Variants in CLNK observed in about 807,000 individuals in gnomAD.
CLNK encodes cytokine dependent hematopoietic cell linker, also known as cytokine-dependent hematopoietic cell linker.
In CLNK, 74 loss-of-function variants were observed where a neutral mutation model predicts 68.6. The ratio of observed to expected loss-of-function variants is 1.08; its 90% confidence interval spans 0.89 to 1.31. The LOEUF (loss-of-function observed/expected upper bound fraction) is 1.31, where lower values mean the gene tolerates loss of function less well. Among genes scored for constraint, CLNK ranks in the 50% most tolerant of loss-of-function variants. CLNK has a pLI of 0.00. For missense variants in CLNK, 553 were observed against 515.3 expected (o/e 1.07, Z -0.71); for synonymous variants, 198 against 172.2 (o/e 1.15, Z -1.17).
chr4:10,530,291 C>T (rs1159741094), intron 12 of CLNK, among the ~76,000 whole-genome samples: 4 of 152,114 alleles, frequency 2.6e-5, no homozygotes, highest in Non-Finnish European at 4.4e-5. Context: ...ATGAGTCTTT[C>T]CTTTCTGTGA....
chr4:10,621,448 T>C (rs1722455122), intron 2 of CLNK, among the ~76,000 whole-genome samples: 1 of 152,208 alleles, frequency 6.6e-6, no homozygotes, highest in Admixed American at 6.5e-5. Flanking sequence ...TGGAGGTCTT[T>C]CCATTTTGGG....
At chr4:10,696,694 G>A in the CLNK span, among the ~76,000 whole-genome samples, 1 of 152,140 alleles carries the variant, frequency 6.6e-6, no homozygotes, top group Non-Finnish European at 1.5e-5. Flanking sequence ...TTCTCCTCCT[G>A]TTGGCTCTCC....
At chr4:10,571,459 T>C (rs1720347787) in intron 5 of CLNK, among the ~76,000 whole-genome samples, 1 of 150,866 alleles carries the variant, frequency 6.6e-6, no homozygotes, top group Non-Finnish European at 1.5e-5. Flanking sequence ...CTCAGCCTCG[T>C]GAGTAGCTGG....
rs539653168 is a variant in CLNK at position 10,627,803 on chromosome 4, A to G, written c.12-29754T>C. 3.9e-5 allele frequency among the ~76,000 whole-genome samples: 6 copies of G among 152,308 alleles called. No homozygotes were observed. The South Asian group carries it at 1.2e-3, about 32-fold the overall frequency. ...CCCACCCCCACAGGCATTCTGGGCT[A>G]CAGACTGCCTGAGCCCCTCACCTCT... is the stretch of plus-strand genomic sequence containing the variant. On this transcript the variant is annotated intron_variant, in intron 2 of 18. Transcript: ENST00000226951.
chr4:10,518,778 A>G (rs755982453), intron 15 of CLNK, among the ~76,000 whole-genome samples: 4 of 152,232 alleles, frequency 2.6e-5, no homozygotes, highest in Non-Finnish European at 5.9e-5. Context: ...ATAATAACGT[A>G]CAACTATGGA....
intron 1 of CLNK, 138 bp from the exon 2 acceptor site, chr4:10,668,049 G>A: frequency 2.2e-6 from 1 of 461,506 alleles, no homozygotes; most frequent in East Asian, 3.7e-5. Context: ...AATCAATCCA[G>A]GTCAAGAATT....
At chr4:10,524,774 T>C (rs767128892) in intron 14 of CLNK, among the ~76,000 whole-genome samples, 22 of 152,028 alleles carry the variant, frequency 1.4e-4, no homozygotes, top group Non-Finnish European at 2.4e-4. Flanking sequence ...CATGGAGGAA[T>C]AGGAGTGTTC....
chr4:10,502,426 C>A (rs980370529), intron 17 of CLNK, among the ~76,000 whole-genome samples: 1 of 151,978 alleles, frequency 6.6e-6, no homozygotes, highest in African/African-American at 2.4e-5. Context: ...TCCCTAGACA[C>A]GTGGGGATTA....
At chr4:10,696,224 C>T in the CLNK span, among the ~76,000 whole-genome samples, 1 of 152,100 alleles carries the variant, frequency 6.6e-6, no homozygotes, top group East Asian at 1.9e-4. Context: ...AGATGGGTCT[C>T]GTGTGCCACC....
intron 14 of CLNK, chr4:10,523,888 G>T: frequency 2.9e-6 from 1 of 339,682 alleles, no homozygotes; most frequent in Non-Finnish European, 5.8e-6. Flanking sequence ...AGCTGGGCAT[G>T]GTGGCATGTG....
At chr4:10,540,233 T>C (rs1718958370) in intron 11 of CLNK, among the ~76,000 whole-genome samples, 1 of 152,350 alleles carries the variant, frequency 6.6e-6, no homozygotes, top group African/African-American at 2.4e-5. Context: ...TCTCACCTGC[T>C]GCCATGTAAG....
intron 2 of CLNK, among the ~76,000 whole-genome samples, chr4:10,648,946 G>T (rs1245012951): frequency 1.3e-5 from 2 of 152,098 alleles, no homozygotes; most frequent in Non-Finnish European, 2.9e-5. Context: ...ATATAGATTA[G>T]CCCTTGAATC....
intron 12 of CLNK, among the ~76,000 whole-genome samples, chr4:10,528,682 G>T (rs1221100489): frequency 6.6e-6 from 1 of 152,142 alleles, no homozygotes; most frequent in African/African-American, 2.4e-5. Flanking sequence ...CTGGACCCAT[G>T]ATATATTTTT....
rs1722165158 is a variant in CLNK, at chr4:10,614,818, G to GT, written c.12-16770dup. Among the ~76,000 whole-genome samples, 4 of 152,208 alleles carry GT rather than the reference G, an allele frequency of 2.6e-5. No homozygotes were observed. The South Asian group carries it at 8.3e-4, about 32-fold the overall frequency. On this transcript the variant is annotated intron_variant, in intron 2 of 18. Transcript: ENST00000226951. The stretch of plus-strand genomic sequence containing the variant: ...GCCTTGTTGTGATTGTTTCCTATGA[G>GT]TACCCACTCTCCTAATCACAGAGGT...
chr4:10,509,786 A>C (rs1480084824), intron 16 of CLNK, among the ~76,000 whole-genome samples: 1 of 152,124 alleles, frequency 6.6e-6, no homozygotes, highest in African/African-American at 2.4e-5. Context: ...TCAGCCTCCC[A>C]TAGTGCTGGG....
the CLNK span, among the ~76,000 whole-genome samples, chr4:10,733,874 T>C: frequency 1.3e-5 from 2 of 152,256 alleles, no homozygotes; most frequent in African/African-American, 4.8e-5. Context: ...ATATCCATCA[T>C]ACATAAGTGC....
chr4:10,695,029 C>T, the CLNK span, among the ~76,000 whole-genome samples: 3 of 152,166 alleles, frequency 2.0e-5, no homozygotes, highest in African/African-American at 7.2e-5. Context: ...AGAGGCCTGG[C>T]AGGGATGGAG....
At position 10,656,380 on chromosome 4, in the gene CLNK, G is replaced by A. The variant is rs1202700829; in HGVS notation, c.11+11479C>T. ...TTTTGCCTGGCAAAAGATTTGACAA[G>A]CATTGTGTGCAGACGAGAAAAGCTT... On this transcript the variant is annotated intron_variant, in intron 2 of 18. Transcript: ENST00000226951. 4 of 146,104 alleles carry A rather than the reference G, an allele frequency of 2.7e-5. No homozygotes were observed. The South Asian group carries it at 6.5e-4, about 24-fold the overall frequency. 9.1% of individuals were successfully genotyped at this position (146,104 alleles called of 1,614,324 possible).
chr4:10,673,650 A>G (rs1452480149), intron 1 of CLNK, among the ~76,000 whole-genome samples: 1 of 150,256 alleles, frequency 6.7e-6, no homozygotes, highest in African/African-American at 2.5e-5. Flanking sequence ...GGGGAACATC[A>G]CACACTGGGG....
Sources: gnomAD v4.1 joint callset for allele counts (sites outside exome capture counted in the v4.1 genomes callset) on GRCh38, gnomAD v4.1.1 for gene constraint, MANE v1.5 for transcripts, NCBI Gene and HGNC (gene_info 2026-07-23, HGNC 2026-07-21) for gene names.